The following NIN variants were observed in gnomAD, a reference collection of about 807,000 sequenced individuals.
NIN encodes the protein glycogen synthase kinase 3 beta-interacting protein.
A neutral mutation model predicts 257.6 loss-of-function variants in NIN; 137 were observed. The ratio of observed to expected loss-of-function variants is 0.53; its 90% confidence interval spans 0.46 to 0.61. NIN has a LOEUF of 0.61. NIN is among the 20% of genes least tolerant of loss of function. The pLI, the probability that NIN is intolerant of heterozygous loss-of-function variation, is 0.00. For missense variants in NIN, 2,439 were observed against 2,501.2 expected (o/e 0.98, Z 0.53); for synonymous variants, 918 against 919.8 (o/e 1.00, Z 0.04).
intron 18 of NIN, among the ~76,000 whole-genome samples, chr14:50,756,122 T>C (rs2042015214): frequency 6.6e-6 from 1 of 150,944 alleles, no homozygotes; most frequent in Non-Finnish European, 1.5e-5. Context: ...ATATAACATG[T>C]TTCCTCAAAA....
At chr14:50,789,161 C>G (rs2043469965) in intron 5 of NIN, among the ~76,000 whole-genome samples, 1 of 152,106 alleles carries the variant, frequency 6.6e-6, no homozygotes, top group African/African-American at 2.4e-5. Flanking sequence ...TTCCACATTG[C>G]CTGGTAGCCC....
intron 3 of NIN, among the ~76,000 whole-genome samples, 185 bp from the exon 4 acceptor site, chr14:50,807,003 C>T (rs964271071): frequency 2.0e-5 from 3 of 152,098 alleles, no homozygotes; most frequent in Admixed American, 6.5e-5. Flanking sequence ...TTTGACACCT[C>T]GTGCCGTAAA....
rs140435222 is a variant in NIN, at chr14:50,746,766, TG to T, written c.5064+1225del. 8.0e-3 allele frequency among the ~76,000 whole-genome samples: 1,223 copies of T among 152,328 alleles called. 19 individuals carry two copies. The highest frequency in any genetic ancestry group is 0.027 in the African/African-American group (1,137 of 41,578). On this transcript the variant is annotated intron_variant, in intron 22 of 30. Transcript: ENST00000530997. Reference sequence around the variant, plus strand: ...ACAGGACAATGTTTAGGATGCAAATTGTTTTTTTCCAACAATGCATTTCTCC... The same window carrying T: ...ACAGGACAATGTTTAGGATGCAAATTTTTTTTTCCAACAATGCATTTCTCC...
At chr14:50,807,290 G>C (rs1038926571) in intron 3 of NIN, among the ~76,000 whole-genome samples, 11 of 152,028 alleles carry the variant, frequency 7.2e-5, no homozygotes, top group African/African-American at 2.2e-4. Context: ...CTTGAGGGAA[G>C]GTATATAATA....
At chr14:50,740,538 T>C (rs61985505) in intron 25 of NIN, among the ~76,000 whole-genome samples, 31,565 of 151,796 alleles carry the variant, frequency 0.21, 4,003 homozygotes, top group South Asian at 0.31. Context: ...TTAGTAGAGA[T>C]GGGGTTTCAA....
In NIN at chr14:50,758,509, G is replaced by T. The variant is rs760941464; in HGVS notation, c.2521C>A (p.Arg841Ser). The T allele has an allele frequency of 6.2e-7, 1 of 1,614,222 alleles. No homozygotes were observed. Among genetic ancestry groups the T allele is most frequent in the Non-Finnish European group, 8.5e-7 (1 of 1,180,040 alleles). The change falls in exon 18 of 31, where the codon CGC (arginine) becomes AGC (serine). Residue 841 changes from arginine (R) to serine (S), a missense_variant. Arg to Ser is a moderately radical substitution (Grantham distance 110, BLOSUM62 -1). Transcript: ENST00000530997. ...SALQSLEGRY[R>S]QELKDLQEQQ... Reference sequence around the variant, plus strand: ...TCCTGGAGGTCCTTCAGCTCTTGGCGGTAGCGCCCCTCCAGGCTTTGCAGA... The same window carrying T: ...TCCTGGAGGTCCTTCAGCTCTTGGCTGTAGCGCCCCTCCAGGCTTTGCAGA...
At chr14:50,736,845 AACAG>A (rs1360212857) in intron 27 of NIN, among the ~76,000 whole-genome samples, 1 of 152,246 alleles carries the variant, frequency 6.6e-6, no homozygotes, top group Non-Finnish European at 1.5e-5. Context: ...CAGATTTCTA[AACAG>A]ACCATATTTT....
At chr14:50,784,846 C>A (rs1274759689) in intron 5 of NIN, among the ~76,000 whole-genome samples, 3 of 152,224 alleles carry the variant, frequency 2.0e-5, no homozygotes, top group Non-Finnish European at 4.4e-5. Context: ...TCCCCTGGGG[C>A]CCCTCCCTGC....
chr14:50,759,391 A>G (rs1335859623), intron 17 of NIN, among the ~76,000 whole-genome samples: 1 of 152,262 alleles, frequency 6.6e-6, no homozygotes. Flanking sequence ...AGGTAGGTTC[A>G]CATCAAAATA....
At chr14:50,739,588 A>G in intron 25 of NIN, 101 bp from the exon 26 acceptor site, 1 of 1,013,312 alleles carries the variant, frequency 9.9e-7, no homozygotes. Context: ...ACTCCTAATA[A>G]GTACCTTTCA....
chr14:50,743,160 A>G (rs1278414085), intron 24 of NIN, among the ~76,000 whole-genome samples: 3 of 151,080 alleles, frequency 2.0e-5, no homozygotes, highest in Admixed American at 2.0e-4. Flanking sequence ...AGTAGAGATG[A>G]GGTTTCACCA....
At chr14:50,733,179 G>A (rs546055747) in intron 28 of NIN, among the ~76,000 whole-genome samples, 4 of 150,360 alleles carry the variant, frequency 2.7e-5, no homozygotes, top group Admixed American at 2.0e-4. Flanking sequence ...TGCAACCTCC[G>A]CCTCCCGGGT....
chr14:50,744,312 T>C lies in NIN; in HGVS notation c.5118A>G (p.Leu1706=), dbSNP rs768525841. ...CTTTCAGCAGTTTTTCGTTGTAGCT[T>C]AGAACACTAGAGATTTTTTGCTGGA... ...SDFQQKISSV[L]SYNEKLLKEK... Residue 1706 remains leucine, a synonymous_variant, in exon 23 of 31, where the codon CTA becomes CTG. Coordinates refer to ENST00000530997, the MANE Select transcript of NIN (RefSeq NM_020921.4). 5.0e-6 allele frequency: 8 copies of C among 1,614,020 alleles called. No individual in the cohort carries two copies. Among genetic ancestry groups the C allele is most frequent in the South Asian group, 2.2e-5 (2 of 91,086 alleles).
intron 22 of NIN, among the ~76,000 whole-genome samples, chr14:50,746,663 C>CAAAT (rs1377530817): frequency 6.6e-6 from 1 of 152,066 alleles, no homozygotes; most frequent in Non-Finnish European, 1.5e-5. Context: ...CTGAAGTAAA[C>CAAAT]AAATAAAATG....
At position 50,778,778 on chromosome 14, in the gene NIN, C is replaced by T. The variant is rs1203166461; in HGVS notation, c.462G>A (p.Glu154=). ...CTCGGCTCTTACCTTCCGCTTCATA[C>T]TCCTCACTGCGTTGCGTCTTCCAGT... The part of the protein sequence containing the change: ...SEHWKTQRSE[E]YEAEGQLRFW... The change falls in exon 6 of 31, where the codon GAG becomes GAA. Residue 154 remains glutamate, a synonymous_variant. Transcript: ENST00000530997. 3.1e-6 allele frequency: 5 copies of T among 1,614,006 alleles called. No homozygotes were observed. The highest frequency in any genetic ancestry group is 4.2e-6 in the Non-Finnish European group (5 of 1,180,024).
chr14:50,790,062 C>CT (rs879704756), intron 5 of NIN, among the ~76,000 whole-genome samples: 21 of 151,420 alleles, frequency 1.4e-4, no homozygotes, highest in South Asian at 2.1e-4. Context: ...GAAGCTATTA[C>CT]TTTTTTTTTG....
Position 50,738,285 on chromosome 14 carries a change from A to C in NIN, c.5630T>G (p.Val1877Gly), listed in dbSNP as rs2041100145. The C allele has an allele frequency of 6.2e-7, 1 of 1,612,232 alleles. No homozygotes were observed. Among genetic ancestry groups the C allele is most frequent in the Admixed American group, 1.7e-5 (1 of 59,580 alleles). Reference sequence around the variant, plus strand: ...AAGAAGATTGGATTCCAACTGACGGACCTAACAGGAACAAATGTAAGAGGA... The same window carrying C: ...AAGAAGATTGGATTCCAACTGACGGCCCTAACAGGAACAAATGTAAGAGGA... ...KAELTHSREK[V>G]RQLESNLLPK... Residue 1877 changes from valine (V) to glycine (G), a missense_variant and splice_region_variant, in exon 27 of 31, where the codon GTC (valine) becomes GGC (glycine). By Grantham distance (109) the Val-to-Gly change is moderately radical. This residue lies in a region of NIN where 2,043 missense variants were observed against 2,050.2 expected (regional missense o/e 1.00). Coordinates refer to ENST00000530997, the MANE Select transcript of NIN (RefSeq NM_020921.4).
intron 7 of NIN, among the ~76,000 whole-genome samples, chr14:50,775,375 G>T (rs181217928): frequency 3.3e-5 from 5 of 152,220 alleles, no homozygotes; most frequent in African/African-American, 1.2e-4. Context: ...AGTGACTCTA[G>T]TTCCCCTTCA....
chr14:50,728,028 C>T (rs2040496932), intron 29 of NIN, among the ~76,000 whole-genome samples: 1 of 151,896 alleles, frequency 6.6e-6, no homozygotes, highest in African/African-American at 2.4e-5. Context: ...AGTAATAAGC[C>T]GTCCACTCTG....
Sources: allele counts gnomAD v4.1 joint callset (sites outside exome capture counted in the v4.1 genomes callset), GRCh38; gene constraint gnomAD v4.1.1; regional missense constraint gnomAD v4.1.1; transcripts MANE v1.5; gene names NCBI Gene and HGNC (gene_info 2026-07-23, HGNC 2026-07-21).